The following CDKL2 variants were observed in gnomAD, a reference collection of about 807,000 sequenced individuals.
The protein encoded by CDKL2 is cyclin-dependent kinase-like 2.
In CDKL2, 64 loss-of-function variants were observed where a neutral mutation model predicts 63.9. The ratio of observed to expected loss-of-function variants is 1.00; its 90% CI spans 0.82 to 1.23. CDKL2 has a LOEUF of 1.23. Ranked by LOEUF, CDKL2 falls within the 50% of genes most tolerant of loss-of-function variation. The pLI, the probability that CDKL2 is intolerant of heterozygous loss-of-function variation, is 0.00. For missense variants in CDKL2, 656 were observed against 668.0 expected (o/e 0.98, Z 0.20); for synonymous variants, 211 against 229.2 (o/e 0.92, Z 0.72).
chr4:75,598,571 T>C lies in CDKL2; in HGVS notation c.885-359A>G, dbSNP rs1729040475. Among the ~76,000 whole-genome samples the C allele has an allele frequency of 4.7e-5, 7 of 147,988 alleles. No individual in the cohort carries two copies. In the South Asian group the frequency reaches 1.1e-3, roughly 23 times the overall value. On this transcript the variant is annotated intron_variant, in intron 7 of 13. Transcript: ENST00000307465. Reference sequence around the variant, plus strand: ...TCATTACTTTCTTGATAACCACACATTCTCAGTTGCTTTTTTTTTTTAAAA... The same window carrying C: ...TCATTACTTTCTTGATAACCACACACTCTCAGTTGCTTTTTTTTTTTAAAA...
intron 10 of CDKL2, among the ~76,000 whole-genome samples, chr4:75,594,195 C>A (rs1728817581): frequency 6.6e-6 from 1 of 152,120 alleles, no homozygotes; most frequent in South Asian, 2.1e-4. Flanking sequence ...CGCCTGTAAT[C>A]CCAGCATTTT....
In CDKL2 at chr4:75,630,081, T is replaced by C. The variant is rs538061176; in HGVS notation, c.-69A>G. On this transcript the variant is annotated 5_prime_UTR_variant, in exon 1 of 14. Coordinates refer to ENST00000307465, the MANE Select transcript of CDKL2 (RefSeq NM_001330724.2). Reference sequence around the variant, plus strand: ...GTTCGCATAGAAAGACCCAAAGGTTTTCAACTTGGAAACAAATTTGAGGTG... The same window carrying C: ...GTTCGCATAGAAAGACCCAAAGGTTCTCAACTTGGAAACAAATTTGAGGTG... 12 of 152,678 alleles carry C rather than the reference T, an allele frequency of 7.9e-5. No individual in the cohort carries two copies. In the East Asian group the frequency reaches 2.3e-3, roughly 29 times the overall value. The allele number at this position is 152,678 out of a possible 1,614,324, so 9.5% of individuals were successfully genotyped here.
chr4:75,623,238 C>T (rs1422694133), intron 2 of CDKL2, among the ~76,000 whole-genome samples: 2 of 152,010 alleles, frequency 1.3e-5, no homozygotes, highest in African/African-American at 2.4e-5. Context: ...AAGATCATGC[C>T]ACTGCACTGC....
chr4:75,594,780 G>A (rs1021513683), intron 10 of CDKL2, among the ~76,000 whole-genome samples: 2 of 152,174 alleles, frequency 1.3e-5, no homozygotes, highest in African/African-American at 4.8e-5. Context: ...GCCCAAAGGT[G>A]GGAGTATGTC....
intron 3 of CDKL2, among the ~76,000 whole-genome samples, chr4:75,611,234 C>G (rs369276515): frequency 4.6e-5 from 7 of 151,910 alleles, no homozygotes; most frequent in African/African-American, 1.7e-4. Flanking sequence ...CGAGGTGGGC[C>G]GATCACTTGA....
At position 75,626,035 on chromosome 4, in the gene CDKL2, T is replaced by G; in HGVS notation, c.-29-18A>C. The stretch of plus-strand genomic sequence containing the variant: ...ACTTTTTGCTGTGAAAACCAAAACA[T>G]AGATTTAACAAAGTTGAGTACGTTA... On this transcript the variant is annotated intron_variant, in intron 1 of 13. Coordinates refer to ENST00000307465, the MANE Select transcript of CDKL2 (RefSeq NM_001330724.2). The G allele has an allele frequency of 3.3e-6, 5 of 1,496,176 alleles. No individual in the cohort carries two copies. The highest frequency in any genetic ancestry group is 4.6e-6 in the Non-Finnish European group (5 of 1,090,806). The allele number at this position is 1,496,176 out of a possible 1,614,324, so 92.7% of individuals were successfully genotyped here.
At position 75,596,331 on chromosome 4, in the gene CDKL2, C is replaced by A; in HGVS notation, c.1332G>T (p.Glu444Asp). The A allele has an allele frequency of 6.2e-7, 1 of 1,603,128 alleles. No homozygotes were observed. The highest frequency in any genetic ancestry group is 1.3e-5 in the African/African-American group (1 of 74,758). The part of the protein sequence containing the change: ...TIPIQGYRVD[E>D]KTKKCSIPFV... Reference sequence around the variant, plus strand: ...ATGGAATAGAACACTTCTTAGTTTTCTCATCCACTCTGTAACGACAAAAAA... The same window carrying A: ...ATGGAATAGAACACTTCTTAGTTTTATCATCCACTCTGTAACGACAAAAAA... The change falls in exon 10 of 14, where the codon GAG becomes GAT. Residue 444 changes from glutamate (E) to aspartate (D), a missense_variant. By Grantham distance (45) the Glu-to-Asp change is conservative. Transcript: ENST00000307465.
intron 1 of CDKL2, among the ~76,000 whole-genome samples, chr4:75,627,267 G>GTTTC (rs768916401): frequency 2.0e-5 from 3 of 149,900 alleles, no homozygotes; most frequent in African/African-American, 7.4e-5. Flanking sequence ...GGGGGATTTT[G>GTTTC]TTTGTTTGTT....
At chr4:75,596,809 T>C in intron 9 of CDKL2, 126 bp downstream of exon 9, 1 of 797,538 alleles carries the variant, frequency 1.3e-6, no homozygotes, top group East Asian at 2.7e-5. Context: ...TTGAAACAGC[T>C]ACCTGACAAG....
chr4:75,607,098 G>A, intron 4 of CDKL2, 85 bp downstream of exon 4: 1 of 1,093,774 alleles, frequency 9.1e-7, no homozygotes, highest in Non-Finnish European at 1.3e-6. Flanking sequence ...AGTATTAGAG[G>A]GATCATTTAC....
At chr4:75,591,225 T>C (rs147360915) in intron 12 of CDKL2, among the ~76,000 whole-genome samples, 1 of 152,126 alleles carries the variant, frequency 6.6e-6, no homozygotes, top group East Asian at 1.9e-4. Context: ...TACTACGAAA[T>C]ATAAAAAAAA....
intron 6 of CDKL2, among the ~76,000 whole-genome samples, chr4:75,602,557 T>C (rs547472098): frequency 6.6e-6 from 1 of 152,220 alleles, no homozygotes; most frequent in East Asian, 1.9e-4. Flanking sequence ...AGTTTCACTC[T>C]GTCACCCAGG....
chr4:75,600,503 G>C, intron 6 of CDKL2, 134 bp from the exon 7 acceptor site: 1 of 636,546 alleles, frequency 1.6e-6, no homozygotes, highest in Non-Finnish European at 2.8e-6. Context: ...TGTTGCCCAG[G>C]CTAGAGTGCA....
chr4:75,589,896 G>A (rs1373730038), intron 12 of CDKL2, among the ~76,000 whole-genome samples: 1 of 151,910 alleles, frequency 6.6e-6, no homozygotes, highest in African/African-American at 2.4e-5. Flanking sequence ...GTAGAAAGAT[G>A]GCTTAAGCCC....
At chr4:75,582,676 A>G (rs564726345) in intron 12 of CDKL2, among the ~76,000 whole-genome samples, 1 of 152,306 alleles carries the variant, frequency 6.6e-6, no homozygotes, top group African/African-American at 2.4e-5. Context: ...AAGTTTAAAG[A>G]TTCAAGAAGG....
At chr4:75,585,872 CA>C (rs1218267670) in intron 12 of CDKL2, among the ~76,000 whole-genome samples, 1 of 151,698 alleles carries the variant, frequency 6.6e-6, no homozygotes, top group Non-Finnish European at 1.5e-5. Flanking sequence ...TAGACCTAAA[CA>C]AAAAAAATTA....
rs1728753663 is a variant in CDKL2, at chr4:75,592,327, C to A, written c.1417-58G>T. 3.5e-6 allele frequency: 5 copies of A among 1,414,786 alleles called. No homozygotes were observed. In the South Asian group the frequency reaches 4.7e-5, roughly 13 times the overall value. The allele number at this position is 1,414,786 out of a possible 1,614,324, so 87.6% of individuals were successfully genotyped here. A position where few individuals can be genotyped will look rare whatever the true frequency, so the allele number is the denominator to read the frequency against. ...TTAGTTTCAAGGTTAGCTAGGCTTT[C>A]CTTCTTCTGTAACTCCTATGTTCAT... On this transcript the variant is annotated intron_variant, in intron 10 of 13. Transcript: ENST00000307465.
At chr4:75,611,314 C>T (rs186642207) in intron 3 of CDKL2, among the ~76,000 whole-genome samples, 1 of 152,006 alleles carries the variant, frequency 6.6e-6, no homozygotes, top group East Asian at 1.9e-4. Flanking sequence ...CAAAAATTAG[C>T]CAGGCATGGT....
intron 9 of CDKL2, 77 bp downstream of exon 9, chr4:75,596,858 T>C (rs1287654636): frequency 6.6e-6 from 8 of 1,207,050 alleles, no homozygotes; most frequent in Admixed American, 2.3e-5. Flanking sequence ...AAAAACAATG[T>C]GGATGAATTG....
Sources: allele counts gnomAD v4.1 joint callset (sites outside exome capture counted in the v4.1 genomes callset), GRCh38; gene constraint gnomAD v4.1.1; transcripts MANE v1.5; gene names NCBI Gene and HGNC (gene_info 2026-07-23, HGNC 2026-07-21).